Variants in GRIN2A observed in about 807,000 individuals in gnomAD.
GRIN2A encodes glutamate receptor ionotropic, NMDA 2A.
A neutral mutation model predicts 113.4 loss-of-function variants in GRIN2A; 22 were observed. The ratio of observed to expected loss-of-function variants is 0.19; its 90% CI spans 0.14 to 0.28. GRIN2A has a LOEUF of 0.28. GRIN2A is among the 10% of genes least tolerant of loss of function. The pLI is 1.00. For synonymous variants in GRIN2A, 827 were observed against 738.4 expected, an observed-to-expected ratio of 1.12 and a Z score of -1.94; for missense variants, 1,502 against 1,887.0, an observed-to-expected ratio of 0.80 and a Z score of 3.78.
At chr16:10,055,799 A>G (rs1377175324) in intron 2 of GRIN2A, among the ~76,000 whole-genome samples, 1 of 152,246 alleles carries the variant, frequency 6.6e-6, no homozygotes, top group Non-Finnish European at 1.5e-5. Context: ...AATAAAAGCA[A>G]TTGTGCCTGT....
intron 2 of GRIN2A, chr16:10,112,587 G>C: frequency 1.3e-6 from 1 of 770,630 alleles, no homozygotes; most frequent in East Asian, 2.4e-5. Context: ...CTTCTTCTCA[G>C]ACAGGGTGCA....
At chr16:9,984,528 T>C (rs1189442880) in intron 2 of GRIN2A, among the ~76,000 whole-genome samples, 2 of 152,228 alleles carry the variant, frequency 1.3e-5, no homozygotes, top group African/African-American at 4.8e-5. Context: ...GTATTTTGTA[T>C]ATGGTGAGAG....
At chr16:10,160,051 G>T (rs2049779805) in intron 2 of GRIN2A, among the ~76,000 whole-genome samples, 1 of 152,202 alleles carries the variant, frequency 6.6e-6, no homozygotes, top group Non-Finnish European at 1.5e-5. Flanking sequence ...CCTTCATTTT[G>T]GTGCAGGGAA....
rs1900387499 is a variant in GRIN2A at position 9,757,324 on chromosome 16, A to G, written c.*5825T>C. On this transcript the variant is annotated 3_prime_UTR_variant, in exon 13 of 13. Transcript: ENST00000330684. Reference sequence around the variant, plus strand: ...CTGCATTTCCGGGACCACTAACTCTATTCTCCGGAGTTACTTAAAGGTTTA... The same window carrying G: ...CTGCATTTCCGGGACCACTAACTCTGTTCTCCGGAGTTACTTAAAGGTTTA... 1 of 220,216 alleles carries G rather than the reference A, an allele frequency of 4.5e-6. No individual in the cohort carries two copies. Among genetic ancestry groups the G allele is most frequent in the South Asian group, 1.9e-4 (1 of 5,362 alleles). The allele number at this position is 220,216 out of a possible 1,614,324, so 13.6% of individuals were successfully genotyped here.
At chr16:10,047,396 C>G (rs1009230791) in intron 2 of GRIN2A, among the ~76,000 whole-genome samples, 2 of 152,210 alleles carry the variant, frequency 1.3e-5, no homozygotes, top group African/African-American at 4.8e-5. Flanking sequence ...GACTGCAAAA[C>G]ACCTAACAAA....
rs142010602 is a variant in GRIN2A, at chr16:9,918,091, C to A, written c.1007+19868G>T. Among the ~76,000 whole-genome samples the A allele has an allele frequency of 3.1e-3, 471 of 152,260 alleles. 4 individuals are homozygous for A. Among genetic ancestry groups the A allele is most frequent in the African/African-American group, 0.011 (447 of 41,554 alleles). ...AATGTTTTACATGCTTTATTTAATT[C>A]TCACAAACTCCCCCACTGTGAGTGG... On this transcript the variant is annotated intron_variant, in intron 3 of 12. Coordinates refer to ENST00000330684, the MANE Select transcript of GRIN2A (RefSeq NM_001134407.3).
intron 4 of GRIN2A, among the ~76,000 whole-genome samples, chr16:9,867,543 A>C (rs1321106954): frequency 6.6e-6 from 1 of 152,064 alleles, no homozygotes; most frequent in African/African-American, 2.4e-5. Flanking sequence ...CTCTAGATAC[A>C]TTCTCTTCTG....
chr16:9,845,088 G>A (rs533743500), intron 5 of GRIN2A, among the ~76,000 whole-genome samples: 35 of 152,142 alleles, frequency 2.3e-4, no homozygotes, highest in Non-Finnish European at 3.5e-4. Context: ...GTGGATCCTA[G>A]CAATTCTCTA....
At chr16:9,955,982 T>C (rs1219437292) in intron 2 of GRIN2A, among the ~76,000 whole-genome samples, 3 of 152,314 alleles carry the variant, frequency 2.0e-5, no homozygotes, top group African/African-American at 7.2e-5. Context: ...GTTCCTATCA[T>C]TGGTTCCATC....
At chr16:10,175,452 A>G (rs915972988) in intron 2 of GRIN2A, among the ~76,000 whole-genome samples, 2 of 152,214 alleles carry the variant, frequency 1.3e-5, no homozygotes, top group Non-Finnish European at 1.5e-5. Context: ...AAATAGATAA[A>G]AGGAAATACA....
rs945319313 is a variant in GRIN2A, at chr16:9,967,682, G to A, written c.415-29131C>T. ...GATCGCACCATTGCACTGCATCCTGGGCGACAGAGCGAGACTCCATCTCAA... is the reference window on the plus strand; with the variant it reads ...GATCGCACCATTGCACTGCATCCTGAGCGACAGAGCGAGACTCCATCTCAA... On this transcript the variant is annotated intron_variant, in intron 2 of 12. Transcript: ENST00000330684. Among the ~76,000 whole-genome samples the A allele has an allele frequency of 4.6e-5, 7 of 152,066 alleles. No homozygotes were observed. The South Asian group carries it at 1.2e-3, about 27-fold the overall frequency.
intron 4 of GRIN2A, among the ~76,000 whole-genome samples, chr16:9,860,776 G>A (rs905813904): frequency 6.6e-6 from 1 of 152,088 alleles, no homozygotes; most frequent in African/African-American, 2.4e-5. Flanking sequence ...GGGCTGTAGG[G>A]GTGGGGAATG....
Position 10,180,257 on chromosome 16 carries a change from C to A in GRIN2A, c.155G>T (p.Arg52Leu), listed in dbSNP as rs1596587259. The A allele has an allele frequency of 6.2e-7, 1 of 1,613,758 alleles. No homozygotes were observed. The highest frequency in any genetic ancestry group is 8.5e-7 in the Non-Finnish European group (1 of 1,180,010). ...CGCCTGCTCGGGGCCCCACAGTGTTCGAAGTTCGCGCTCTGTCACGTCGTG... is the reference window on the plus strand; with the variant it reads ...CGCCTGCTCGGGGCCCCACAGTGTTAGAAGTTCGCGCTCTGTCACGTCGTG... Reference protein sequence around the residue: ...HSHDVTERELRTLWGPEQAAG... With the variant: ...HSHDVTERELLTLWGPEQAAG... The change falls in exon 2 of 13, where the codon CGA becomes CTA. Residue 52 changes from arginine to leucine, a missense_variant. Around this residue, in one of 7 missense-constraint regions of GRIN2A, gnomAD observed 149 missense variants for 179.1 expected, o/e 0.83. Transcript: ENST00000330684. The surrounding 1 kb of genome is among the most constrained non-coding windows in gnomAD (Gnocchi z 7.0).
Position 10,100,768 on chromosome 16 carries a change from C to T in GRIN2A, c.414+79230G>A, listed in dbSNP as rs191417866. On this transcript the variant is annotated intron_variant, in intron 2 of 12. Coordinates refer to ENST00000330684, the MANE Select transcript of GRIN2A (RefSeq NM_001134407.3). ...AGTTCTCCCACCAGGATGATTAGCGCCCAGAAAGTGTAAGTAAATATTTGT... is the reference window on the plus strand; with the variant it reads ...AGTTCTCCCACCAGGATGATTAGCGTCCAGAAAGTGTAAGTAAATATTTGT... Among the ~76,000 whole-genome samples the T allele has an allele frequency of 7.9e-5, 12 of 152,324 alleles. No individual in the cohort carries two copies. In the East Asian group the frequency reaches 2.3e-3, roughly 29 times the overall value.
At chr16:10,026,537 A>G (rs1363631051) in intron 2 of GRIN2A, among the ~76,000 whole-genome samples, 1 of 151,824 alleles carries the variant, frequency 6.6e-6, no homozygotes, top group Non-Finnish European at 1.5e-5. Flanking sequence ...ACTTCATATC[A>G]CTTCGCCCTC....
chr16:9,909,646 G>C (rs1485926754), intron 3 of GRIN2A, among the ~76,000 whole-genome samples: 1 of 152,206 alleles, frequency 6.6e-6, no homozygotes, highest in African/African-American at 2.4e-5. Flanking sequence ...TGATTGCCAA[G>C]AGGATCCCAA....
At chr16:9,892,275 C>T (rs1442155604) in intron 3 of GRIN2A, among the ~76,000 whole-genome samples, 1 of 151,866 alleles carries the variant, frequency 6.6e-6, no homozygotes, top group African/African-American at 2.4e-5. Flanking sequence ...GACATAGAAG[C>T]GAGGGTGACA....
At chr16:10,009,617 C>A (rs938857264) in intron 2 of GRIN2A, among the ~76,000 whole-genome samples, 2 of 152,128 alleles carry the variant, frequency 1.3e-5, no homozygotes, top group African/African-American at 2.4e-5. Context: ...CCTGAGCTCA[C>A]CTGGGCACCC....
intron 11 of GRIN2A, among the ~76,000 whole-genome samples, chr16:9,772,339 G>A (rs1368446296): frequency 6.6e-6 from 1 of 152,140 alleles, no homozygotes; most frequent in African/African-American, 2.4e-5. Flanking sequence ...GAAATACAAT[G>A]TGCTGTTGAC....
Sources: allele counts gnomAD v4.1 joint callset (sites outside exome capture counted in the v4.1 genomes callset), GRCh38; gene constraint gnomAD v4.1.1; regional missense constraint gnomAD v4.1.1; non-coding constraint Gnocchi (gnomAD v3.1); transcripts MANE v1.5; gene names NCBI Gene and HGNC (gene_info 2026-07-23, HGNC 2026-07-21).